RANBP3: variants seen among roughly 807,000 people sequenced by gnomAD.
RANBP3 encodes ran-binding protein 3.
Under a neutral mutation model 77.3 loss-of-function variants are expected in RANBP3, and 14 were observed. The observed-to-expected ratio is 0.18, with a 90% CI of 0.12 to 0.28. The LOEUF is 0.28. Ranked by LOEUF, RANBP3 falls within the 10% of genes least tolerant of loss-of-function variation. The pLI is 1.00. For synonymous variants in RANBP3, 315 were observed against 312.4 expected (o/e 1.01, Z -0.09); for missense variants, 586 against 752.3 (o/e 0.78, Z 2.59).
intron 3 of RANBP3, among the ~76,000 whole-genome samples, chr19:5,949,895 C>G (rs2058253844): frequency 6.6e-6 from 1 of 152,222 alleles, no homozygotes. Context: ...GTCACAAAAA[C>G]TCTGTGATGC....
chr19:5,951,553 G>A lies in RANBP3; in HGVS notation c.122C>T (p.Pro41Leu). Reference sequence around the variant, plus strand: ...GTGGGGGGCCTCAGCCTCCCCCCGAGGCTCCTCTCCCGAATCCGACAAGTT... The same window carrying A: ...GTGGGGGGCCTCAGCCTCCCCCCGAAGCTCCTCTCCCGAATCCGACAAGTT... ...QKNLSDSGEE[P>L]RGEAEAPHHG... Residue 41 changes from proline (P) to leucine (L), a missense_variant, in exon 3 of 17, where the codon CCT becomes CTT. Pro to Leu is a moderately conservative substitution (Grantham distance 98). Around this residue, in one of 5 missense-constraint regions of RANBP3, gnomAD observed 172 missense variants for 183.4 expected, o/e 0.94. Transcript: ENST00000340578. The A allele has an allele frequency of 6.2e-7, 1 of 1,613,354 alleles. No homozygotes were observed.
At chr19:5,927,940 C>T in intron 9 of RANBP3, 28 bp downstream of exon 9, 1 of 1,583,450 alleles carries the variant, frequency 6.3e-7, no homozygotes, top group Middle Eastern at 1.7e-4. Context: ...CATAAAAAGT[C>T]AATGTGCTGG....
chr19:5,977,892 C>G (rs995549430), intron 1 of RANBP3, among the ~76,000 whole-genome samples, 169 bp downstream of exon 1: 1 of 152,144 alleles, frequency 6.6e-6, no homozygotes, highest in African/African-American at 2.4e-5. Context: ...CCGGTGAGCC[C>G]GGCCTGAGGG....
intron 1 of RANBP3, among the ~76,000 whole-genome samples, chr19:5,975,276 G>C (rs1356282064): frequency 1.3e-5 from 2 of 152,184 alleles, no homozygotes; most frequent in African/African-American, 4.8e-5. Flanking sequence ...ACTAGCGTCA[G>C]GGACAACGTG....
chr19:5,971,925 G>A (rs1032802046), intron 1 of RANBP3, among the ~76,000 whole-genome samples: 7 of 152,202 alleles, frequency 4.6e-5, no homozygotes, highest in Admixed American at 2.6e-4. Context: ...ATCCACAGGC[G>A]CAGCTGTTCC....
chr19:5,973,163 G>A (rs1006763153), intron 1 of RANBP3, among the ~76,000 whole-genome samples: 1 of 152,198 alleles, frequency 6.6e-6, no homozygotes, highest in Non-Finnish European at 1.5e-5. Flanking sequence ...ATAAATTCAC[G>A]AGAAACTTTC....
chr19:5,964,432 A>G (rs991262727), intron 1 of RANBP3, among the ~76,000 whole-genome samples: 6 of 152,100 alleles, frequency 3.9e-5, no homozygotes, highest in Admixed American at 3.9e-4. Context: ...ATTCAATCCT[A>G]ATATTCCCTC....
chr19:5,974,818 G>A (rs1006261393), intron 1 of RANBP3, among the ~76,000 whole-genome samples: 2 of 152,152 alleles, frequency 1.3e-5, no homozygotes, highest in African/African-American at 4.8e-5. Flanking sequence ...TCTGCAGGGC[G>A]TGGCGACTGA....
At chr19:5,933,006 T>C (rs1260645789) in intron 6 of RANBP3, 2 of 249,434 alleles carry the variant, frequency 8.0e-6, no homozygotes, top group African/African-American at 2.3e-5. Flanking sequence ...CTGTGCAGCA[T>C]CCCCGGCAGC....
intron 12 of RANBP3, 94 bp downstream of exon 12, chr19:5,923,718 C>G (rs1363021080): frequency 1.0e-6 from 1 of 977,602 alleles, no homozygotes; most frequent in African/African-American, 1.6e-5. Context: ...GGGAGTCGGG[C>G]CCCTTATCCC....
chr19:5,938,448 G>A (rs981211818), intron 5 of RANBP3, among the ~76,000 whole-genome samples: 1 of 152,208 alleles, frequency 6.6e-6, no homozygotes, highest in Non-Finnish European at 1.5e-5. Context: ...CTAGCACTTT[G>A]GGAGGCTGAG....
At chr19:5,961,287 C>T (rs2058397640) in intron 1 of RANBP3, among the ~76,000 whole-genome samples, 3 of 151,398 alleles carry the variant, frequency 2.0e-5, no homozygotes, top group African/African-American at 7.3e-5. Context: ...ACTAAAAATA[C>T]AAAAAATTAG....
In RANBP3 at chr19:5,924,334, T is replaced by C. The variant is rs558897159; in HGVS notation, c.997-420A>G. 6.6e-6 allele frequency among the ~76,000 whole-genome samples: 1 copy of C among 152,138 alleles called. No individual in the cohort carries two copies. Reference sequence around the variant, plus strand: ...AATCAGGAAGAAAAAGGAACATGTGTAAAGAGGTAGGCAAACCATTCTAGA... The same window carrying C: ...AATCAGGAAGAAAAAGGAACATGTGCAAAGAGGTAGGCAAACCATTCTAGA... On this transcript the variant is annotated intron_variant, in intron 11 of 16. Coordinates refer to ENST00000340578, the MANE Select transcript of RANBP3 (RefSeq NM_007322.3). The surrounding 1 kb of genome is among the most constrained non-coding windows in gnomAD (Gnocchi z 4.7).
intron 2 of RANBP3, among the ~76,000 whole-genome samples, chr19:5,954,541 G>A (rs2058313076): frequency 6.6e-6 from 1 of 152,274 alleles, no homozygotes; most frequent in East Asian, 1.9e-4. Context: ...CTAACAGAGA[G>A]GGCAGGGGCA....
At chr19:5,942,715 A>AC (rs1463352492) in intron 3 of RANBP3, among the ~76,000 whole-genome samples, 3 of 151,868 alleles carry the variant, frequency 2.0e-5, no homozygotes, top group African/African-American at 4.8e-5. Context: ...AAAAAAAAAA[A>AC]AAAAACAAAA....
intron 1 of RANBP3, among the ~76,000 whole-genome samples, chr19:5,966,679 T>C (rs1355921761): frequency 6.6e-6 from 1 of 152,174 alleles, no homozygotes; most frequent in Non-Finnish European, 1.5e-5. Flanking sequence ...TAAAACTAAA[T>C]AGAAGAAACT....
intron 2 of RANBP3, among the ~76,000 whole-genome samples, chr19:5,957,628 T>G (rs1025890434): frequency 6.7e-6 from 1 of 150,170 alleles, no homozygotes; most frequent in Admixed American, 6.6e-5. Flanking sequence ...ACAGTGGCAT[T>G]TCTCAAACAA....
rs751199092 is a variant in RANBP3, at chr19:5,921,915, C to T, written c.1210-594G>A. Reference sequence around the variant, plus strand: ...CGACCCCCGCTGCAACGTGGATGAACCTCTGGCTCAGCGAGAGAAGCCAGA... The same window carrying T: ...CGACCCCCGCTGCAACGTGGATGAATCTCTGGCTCAGCGAGAGAAGCCAGA... On this transcript the variant is annotated intron_variant, in intron 13 of 16. Coordinates refer to ENST00000340578, the MANE Select transcript of RANBP3 (RefSeq NM_007322.3). The surrounding 1 kb of genome is among the most constrained non-coding windows in gnomAD (Gnocchi z 5.3). 1.3e-5 allele frequency among the ~76,000 whole-genome samples: 2 copies of T among 152,174 alleles called. No individual in the cohort carries two copies. Among genetic ancestry groups the T allele is most frequent in the Non-Finnish European group, 2.9e-5 (2 of 68,052 alleles).
chr19:5,936,081 C>G lies in RANBP3; in HGVS notation c.407-2602G>C, dbSNP rs2145109206. 2.0e-5 allele frequency among the ~76,000 whole-genome samples: 3 copies of G among 152,344 alleles called. No individual in the cohort carries two copies. In the South Asian group the frequency reaches 6.2e-4, roughly 32 times the overall value. ...AGCCCCAAGTGATGTCTGTGGGAAGCCATGCTTGCCCCCCAGGGAGCCCCG... is the reference window on the plus strand; with the variant it reads ...AGCCCCAAGTGATGTCTGTGGGAAGGCATGCTTGCCCCCCAGGGAGCCCCG... On this transcript the variant is annotated intron_variant, in intron 5 of 16. Transcript: ENST00000340578.
Sources: gnomAD v4.1 joint callset for allele counts (sites outside exome capture counted in the v4.1 genomes callset) on GRCh38, gnomAD v4.1.1 for gene constraint, gnomAD v4.1.1 regional missense constraint, Gnocchi (gnomAD v3.1) non-coding constraint, MANE v1.5 for transcripts, NCBI Gene and HGNC (gene_info 2026-07-23, HGNC 2026-07-21) for gene names.